The following FBXO40 variants were observed in gnomAD, a reference collection of about 807,000 sequenced individuals.
FBXO40 encodes F-box protein 40.
A neutral mutation model predicts 49.9 loss-of-function variants in FBXO40; 50 were observed. The observed-to-expected ratio is 1.00, with a 90% CI of 0.80 to 1.27. The LOEUF is 1.27. Ranked by LOEUF, FBXO40 falls within the 50% of genes most tolerant of loss-of-function variation. The probability of loss-of-function intolerance (pLI) is 0.00; values close to 1 mark genes in which losing one functional copy is unlikely to be tolerated. For missense variants in FBXO40, 895 were observed against 870.1 expected (o/e 1.03, Z -0.36); for synonymous variants, 340 against 320.2 (o/e 1.06, Z -0.66).
At chr3:121,610,158 T>C (rs903187155) in intron 1 of FBXO40, among the ~76,000 whole-genome samples, 6 of 152,142 alleles carry the variant, frequency 3.9e-5, no homozygotes, top group Non-Finnish European at 8.8e-5. Context: ...AGGCCCAGAA[T>C]GGGGCTTTCT....
chr3:121,624,258 G>A (rs7625066), intron 3 of FBXO40, among the ~76,000 whole-genome samples: 2,416 of 152,256 alleles, frequency 0.016, 69 homozygotes, highest in African/African-American at 0.054. Flanking sequence ...CTAAAGTGCT[G>A]GGATTATAGG....
At chr3:121,611,177 A>G (rs2048963063) in intron 1 of FBXO40, among the ~76,000 whole-genome samples, 1 of 152,204 alleles carries the variant, frequency 6.6e-6, no homozygotes, top group Non-Finnish European at 1.5e-5. Context: ...GAAAAGAAAT[A>G]AGACACAGAG....
At position 121,627,003 on chromosome 3, in the gene FBXO40, T is replaced by A; in HGVS notation, c.*93T>A. The A allele has an allele frequency of 8.6e-7, 1 of 1,164,564 alleles. No individual in the cohort carries two copies. The highest frequency in any genetic ancestry group is 1.3e-6 in the Non-Finnish European group (1 of 797,804). 72.1% of individuals were successfully genotyped at this position (1,164,564 alleles called of 1,614,324 possible). A position where few individuals can be genotyped will look rare whatever the true frequency, so the allele number is the denominator to read the frequency against. ...GTGTGGTTTTGAGGACTCCCTTCTG[T>A]AAACTGCCTATTTGCTTATCGGGGT... On this transcript the variant is annotated 3_prime_UTR_variant, in exon 4 of 4. Transcript: ENST00000338040.
chr3:121,596,288 C>A (rs926408797), intron 1 of FBXO40, among the ~76,000 whole-genome samples: 1 of 152,094 alleles, frequency 6.6e-6, no homozygotes, highest in African/African-American at 2.4e-5. Flanking sequence ...CAGACTCTTT[C>A]AATAAAACAT....
At chr3:121,625,891 T>A (rs960794102) in intron 3 of FBXO40, among the ~76,000 whole-genome samples, 4 of 152,040 alleles carry the variant, frequency 2.6e-5, no homozygotes, top group Non-Finnish European at 4.4e-5. Flanking sequence ...GTTGAAAGAG[T>A]ATTAGGCTAT....
At chr3:121,599,655 TACAC>T (rs35027426) in intron 1 of FBXO40, among the ~76,000 whole-genome samples, 18 of 127,728 alleles carry the variant, frequency 1.4e-4, no homozygotes, top group Admixed American at 3.6e-4. Context: ...TTGTAGTGCA[TACAC>T]ACACACACAC....
At chr3:121,615,200 CAAA>C (rs11448457) in intron 1 of FBXO40, among the ~76,000 whole-genome samples, 12 of 69,418 alleles carry the variant, frequency 1.7e-4, no homozygotes, top group Non-Finnish European at 2.5e-4. Context: ...GAGAGCATCT[CAAA>C]AAAAAAAAAA....
At chr3:121,614,639 A>G (rs1287328349) in intron 1 of FBXO40, among the ~76,000 whole-genome samples, 3 of 152,066 alleles carry the variant, frequency 2.0e-5, no homozygotes, top group African/African-American at 7.2e-5. Flanking sequence ...CCGTTTTCCA[A>G]ATAAACCCTG....
At chr3:121,615,750 C>T (rs767594738) in intron 1 of FBXO40, among the ~76,000 whole-genome samples, 1 of 152,128 alleles carries the variant, frequency 6.6e-6, no homozygotes, top group African/African-American at 2.4e-5. Flanking sequence ...GCTGCACTCT[C>T]AGGACATCTG....
rs1002025206 is a variant in FBXO40, at chr3:121,629,512, T to G, written c.*2602T>G. 2.6e-5 allele frequency: 4 copies of G among 152,132 alleles called. No individual in the cohort carries two copies. Among genetic ancestry groups the G allele is most frequent in the Admixed American group, 2.6e-4 (4 of 15,272 alleles). 9.4% of individuals were successfully genotyped at this position (152,132 alleles called of 1,614,324 possible). ...AAGGGAAACTATAGACCAATGGAGA[T>G]GAAAATCAGGGGCTATCGACAGATG... On this transcript the variant is annotated 3_prime_UTR_variant, in exon 4 of 4. Coordinates refer to ENST00000338040, the MANE Select transcript of FBXO40 (RefSeq NM_016298.4).
chr3:121,619,845 A>G (rs1439844809), intron 1 of FBXO40, among the ~76,000 whole-genome samples: 1 of 152,186 alleles, frequency 6.6e-6, no homozygotes, highest in Non-Finnish European at 1.5e-5. Context: ...ACAGCTCACA[A>G]AAGTCCGCAT....
intron 1 of FBXO40, among the ~76,000 whole-genome samples, chr3:121,613,035 A>C (rs1181769514): frequency 2.0e-5 from 3 of 148,534 alleles, no homozygotes; most frequent in Admixed American, 6.9e-5. Flanking sequence ...CAGCCACTGC[A>C]CTCCAGCCTG....
At chr3:121,620,499 C>T in intron 1 of FBXO40, 47 bp from the exon 2 acceptor site, 1 of 1,560,656 alleles carries the variant, frequency 6.4e-7, no homozygotes, top group South Asian at 1.1e-5. Context: ...ATATAGGTAA[C>T]CTAACTGTTT....
intron 1 of FBXO40, among the ~76,000 whole-genome samples, chr3:121,615,809 CT>C (rs2048994620): frequency 6.6e-6 from 1 of 152,122 alleles, no homozygotes; most frequent in African/African-American, 2.4e-5. Context: ...CATAAATATT[CT>C]GTAATTATAA....
chr3:121,620,494 G>C (rs1318401230), intron 1 of FBXO40, 52 bp from the exon 2 acceptor site: 3 of 1,534,252 alleles, frequency 2.0e-6, no homozygotes, highest in Middle Eastern at 1.7e-4. Flanking sequence ...TATTAATATA[G>C]GTAACCTAAC....
rs1436646577 is a variant in FBXO40, at chr3:121,610,603, CAT to C, written c.-30-9940_-30-9939del. ...TCATTGCTTCAAGGAGGCAAATAAT[CAT>C]ATGGTTTCTCCTCTCTAGGTTCTTA... On this transcript the variant is annotated intron_variant, in intron 1 of 3. Transcript: ENST00000338040. Among the ~76,000 whole-genome samples the C allele has an allele frequency of 3.3e-5, 5 of 152,206 alleles. No individual in the cohort carries two copies. The East Asian group carries it at 9.7e-4, about 29-fold the overall frequency.
rs1448154991 is a variant in FBXO40, at chr3:121,622,410, T to G, written c.981T>G (p.Cys327Trp). The stretch of plus-strand genomic sequence containing the variant: ...TACACTTTGGTCAGATGCCTGCTTG[T>G]ACACCCAAGGAGAGAGACTTTGTTT... ...MLIHFGQMPA[C>W]TPKERDFVYG... The change falls in exon 3 of 4, where the codon TGT becomes TGG. Residue 327 changes from cysteine (C) to tryptophan (W), a missense_variant. Coordinates refer to ENST00000338040, the MANE Select transcript of FBXO40 (RefSeq NM_016298.4). 13 of 1,614,064 alleles carry G rather than the reference T, an allele frequency of 8.1e-6. No homozygotes were observed. Among genetic ancestry groups the G allele is most frequent in the African/African-American group, 1.3e-5 (1 of 74,930 alleles).
At chr3:121,604,806 G>A (rs969767079) in intron 1 of FBXO40, among the ~76,000 whole-genome samples, 10 of 152,070 alleles carry the variant, frequency 6.6e-5, no homozygotes, top group African/African-American at 2.4e-4. Flanking sequence ...GGTATCATTG[G>A]CAATGACCTC....
rs1173630147 is a variant in FBXO40, at chr3:121,628,173, T to TC, written c.*1263_*1264insC. ...GACATTTTTAAATGGATAATTCTTT[T>TC]TTTTTTTTTCTAGGTGGGGAGGGGA... On this transcript the variant is annotated 3_prime_UTR_variant, in exon 4 of 4. Transcript: ENST00000338040. The TC allele has an allele frequency of 2.5e-5, 8 of 320,844 alleles. No homozygotes were observed. Among genetic ancestry groups the TC allele is most frequent in the Non-Finnish European group, 4.5e-5 (8 of 177,656 alleles). The allele number at this position is 320,844 out of a possible 1,614,324, so 19.9% of individuals were successfully genotyped here.
Sources: gnomAD v4.1 joint callset for allele counts (sites outside exome capture counted in the v4.1 genomes callset) on GRCh38, gnomAD v4.1.1 for gene constraint, MANE v1.5 for transcripts, NCBI Gene and HGNC (gene_info 2026-07-23, HGNC 2026-07-21) for gene names.